Variants in ZNF746 observed in about 807,000 individuals in gnomAD.
ZNF746 encodes zinc finger protein 746.
ZNF746 carries 13 observed loss-of-function variants against 41.0 expected under a neutral mutation model. The observed-to-expected ratio is 0.32, with a 90% CI of 0.21 to 0.50. The LOEUF (loss-of-function observed/expected upper bound fraction) is 0.50, where lower values mean the gene tolerates loss of function less well. Ranked by LOEUF, ZNF746 falls within the 20% of genes least tolerant of loss-of-function variation. The probability of loss-of-function intolerance (pLI) is 0.98; values close to 1 mark genes in which losing one functional copy is unlikely to be tolerated. For missense variants in ZNF746, 811 were observed against 922.9 expected, an observed-to-expected ratio of 0.88 and a Z score of 1.57; for synonymous variants, 424 against 396.2, an observed-to-expected ratio of 1.07 and a Z score of -0.83.
chr7:149,477,139 T>TA (rs1554497489), intron 5 of ZNF746, 92 bp from the exon 6 acceptor site: 23 of 1,444,778 alleles, frequency 1.6e-5, no homozygotes, highest in Non-Finnish European at 2.1e-5. Flanking sequence ...AACTCTGAGG[T>TA]CCCCCCACTG....
intron 4 of ZNF746, chr7:149,488,627 G>A (rs2116474054): frequency 6.6e-6 from 1 of 152,308 alleles, no homozygotes; most frequent in East Asian, 1.9e-4. Context: ...CAACTTAAGG[G>A]GGAAAATACA....
In ZNF746 at chr7:149,474,276, T is replaced by G; in HGVS notation, c.*108A>C. ...GATCATCAGTTCAGCAACTTGGACATTTGGTTCTCCCCGTCCCGCGTCTGC... is the reference window on the plus strand; with the variant it reads ...GATCATCAGTTCAGCAACTTGGACAGTTGGTTCTCCCCGTCCCGCGTCTGC... On this transcript the variant is annotated 3_prime_UTR_variant, in exon 7 of 7. Transcript: ENST00000458143. The surrounding 1 kb of genome is among the most constrained non-coding windows in gnomAD (Gnocchi z 6.3). 5.4e-6 allele frequency: 7 copies of G among 1,297,164 alleles called. No individual in the cohort carries two copies. Among genetic ancestry groups the G allele is most frequent in the Non-Finnish European group, 5.3e-6 (5 of 943,470 alleles). 80.4% of individuals were successfully genotyped at this position (1,297,164 alleles called of 1,614,324 possible). A position where few individuals can be genotyped will look rare whatever the true frequency, so the allele number is the denominator to read the frequency against.
At position 149,475,168 on chromosome 7, in the gene ZNF746, C is replaced by A. The variant is rs1302088605; in HGVS notation, c.1199G>T (p.Arg400Leu). 8.1e-6 allele frequency: 13 copies of A among 1,612,518 alleles called. No homozygotes were observed. The highest frequency in any genetic ancestry group is 1.1e-5 in the Non-Finnish European group (13 of 1,179,804). The change falls in exon 7 of 7, where the codon CGG (arginine) becomes CTG (leucine). Residue 400 changes from arginine (R) to leucine (L), a missense_variant. Physicochemically the swap from Arg to Leu is moderately radical, Grantham distance 102 (BLOSUM62 -2). Around this residue, in one of 4 missense-constraint regions of ZNF746, gnomAD observed 495 missense variants for 481.6 expected, o/e 1.03. Transcript: ENST00000458143. Reference protein sequence around the residue: ...FGGVRWGWNFRCKPPVGLNPR... With the variant: ...FGGVRWGWNFLCKPPVGLNPR... Reference sequence around the variant, plus strand: ...GTTCAGGCCCACTGGCGGTTTACACCGGAAATTCCAGCCCCACCGGACCCC... The same window carrying A: ...GTTCAGGCCCACTGGCGGTTTACACAGGAAATTCCAGCCCCACCGGACCCC...
At chr7:149,495,712 A>G (rs755186925) in intron 1 of ZNF746, among the ~76,000 whole-genome samples, 3 of 152,264 alleles carry the variant, frequency 2.0e-5, no homozygotes, top group Non-Finnish European at 4.4e-5. Context: ...GAGAACTAGA[A>G]TGCGGATGGA....
At position 149,476,886 on chromosome 7, in the gene ZNF746, G is replaced by A. The variant is rs761468935; in HGVS notation, c.883+36C>T. 11 of 1,613,170 alleles carry A rather than the reference G, an allele frequency of 6.8e-6. No individual in the cohort carries two copies. The African/African-American group carries it at 1.3e-4, about 20-fold the overall frequency. ...GGACCGAGGTACTCCCCACAGGCAA[G>A]CATGGCCCTTCCCTTCCTCCTCTCG... is the stretch of plus-strand genomic sequence containing the variant. On this transcript the variant is annotated intron_variant, in intron 6 of 6. Coordinates refer to ENST00000458143, the MANE Select transcript of ZNF746 (RefSeq NM_001394198.1).
rs938051477 is a variant in ZNF746 at position 149,494,850 on chromosome 7, C to A, written c.25-347G>T. ...CTGTCCTTGACACATGGCAGGTACC[C>A]AGTGCAATTTTGTTACGTAAACAGT... On this transcript the variant is annotated intron_variant, in intron 1 of 6. Coordinates refer to ENST00000458143, the MANE Select transcript of ZNF746 (RefSeq NM_001394198.1). This position sits in a 1 kb window ranked among gnomAD's most constrained non-coding sequence, Gnocchi z 5.6. 4.6e-5 allele frequency among the ~76,000 whole-genome samples: 7 copies of A among 151,916 alleles called. No homozygotes were observed. Among genetic ancestry groups the A allele is most frequent in the Non-Finnish European group, 7.4e-5 (5 of 67,980 alleles).
chr7:149,497,234 G>A lies in ZNF746; in HGVS notation c.24+279C>T, dbSNP rs1282700047. 1 of 981,338 alleles carries A rather than the reference G, an allele frequency of 1.0e-6. No individual in the cohort carries two copies. Among genetic ancestry groups the A allele is most frequent in the Non-Finnish European group, 1.2e-6 (1 of 826,288 alleles). The allele number at this position is 981,338 out of a possible 1,614,324, so 60.8% of individuals were successfully genotyped here. ...AGAAGGAGGGGACAGCGGCTGGGGC[G>A]GGGGCAGGAAGCCCCGGAGGGCCCA... On this transcript the variant is annotated intron_variant, in intron 1 of 6. Coordinates refer to ENST00000458143, the MANE Select transcript of ZNF746 (RefSeq NM_001394198.1). The surrounding 1 kb of genome is among the most constrained non-coding windows in gnomAD (Gnocchi z 4.2).
Position 149,474,403 on chromosome 7 carries a change from G to T in ZNF746, c.1964C>A (p.Thr655Asn). The T allele has an allele frequency of 6.2e-7, 1 of 1,609,046 alleles. No homozygotes were observed. The highest frequency in any genetic ancestry group is 8.5e-7 in the Non-Finnish European group (1 of 1,177,994). ...AGGCGCTCACATGTCCCCGCCATCG[G>T]TGGGTCCCAGGACGCTGAGGCCACA... ...WTCGLSVLGPTDGGDM is the reference protein window; with the variant it reads ...WTCGLSVLGPNDGGDM The change falls in exon 7 of 7, where the codon ACC becomes AAC. Residue 655 changes from threonine to asparagine, a missense_variant. Coordinates refer to ENST00000458143, the MANE Select transcript of ZNF746 (RefSeq NM_001394198.1). This position sits in a 1 kb window ranked among gnomAD's most constrained non-coding sequence, Gnocchi z 6.3.
chr7:149,479,903 TAAAC>T (rs1000489056), intron 4 of ZNF746, among the ~76,000 whole-genome samples: 16 of 151,358 alleles, frequency 1.1e-4, no homozygotes, highest in African/African-American at 2.9e-4. Context: ...CTGTTTCAAA[TAAAC>T]AAACAAAAAA....
At chr7:149,480,125 C>T (rs1420856524) in intron 4 of ZNF746, among the ~76,000 whole-genome samples, 1 of 152,164 alleles carries the variant, frequency 6.6e-6, no homozygotes, top group African/African-American at 2.4e-5. Context: ...GGAACACACA[C>T]ACATTCTCAG....
In ZNF746 at chr7:149,474,781, C is replaced by T. The variant is rs1319142242; in HGVS notation, c.1586G>A (p.Gly529Glu). The T allele has an allele frequency of 1.9e-6, 3 of 1,553,930 alleles. No individual in the cohort carries two copies. Among genetic ancestry groups the T allele is most frequent in the East Asian group, 2.4e-5 (1 of 42,432 alleles). ...GCGCGTGAAGCAACGGCCGCACTCC[C>T]CACACCGAAGGGCGCTGCCATCCCG... ...SARDGSALRCGECGRCFTRPA... is the reference protein window; with the variant it reads ...SARDGSALRCEECGRCFTRPA... The change falls in exon 7 of 7, where the codon GGG (glycine) becomes GAG (glutamate). Residue 529 changes from glycine to glutamate, a missense_variant. By Grantham distance (98) the Gly-to-Glu change is moderately conservative (BLOSUM62 -2). Coordinates refer to ENST00000458143, the MANE Select transcript of ZNF746 (RefSeq NM_001394198.1). This position sits in a 1 kb window ranked among gnomAD's most constrained non-coding sequence, Gnocchi z 6.3.
chr7:149,491,101 A>C (rs1350031206), intron 4 of ZNF746: 1 of 152,874 alleles, frequency 6.5e-6, no homozygotes, highest in Non-Finnish European at 1.5e-5. Flanking sequence ...TCACAAGGGG[A>C]TGGGTCAGGC....
Position 149,474,360 on chromosome 7 carries a change from C to G in ZNF746, c.*24G>C, listed in dbSNP as rs532424930. 31 of 1,588,528 alleles carry G rather than the reference C, an allele frequency of 2.0e-5. No individual in the cohort carries two copies. In the African/African-American group the frequency reaches 3.8e-4, roughly 19 times the overall value. On this transcript the variant is annotated 3_prime_UTR_variant, in exon 7 of 7. Transcript: ENST00000458143. This position sits in a 1 kb window ranked among gnomAD's most constrained non-coding sequence, Gnocchi z 6.3. ...CGGGGCTTTTTACACGTGCGGCCGGCAGGGGCTATGGGGCTGGAGGCGCTC... is the reference window on the plus strand; with the variant it reads ...CGGGGCTTTTTACACGTGCGGCCGGGAGGGGCTATGGGGCTGGAGGCGCTC...
At chr7:149,479,198 A>C (rs1800413063) in intron 4 of ZNF746, among the ~76,000 whole-genome samples, 1 of 152,226 alleles carries the variant, frequency 6.6e-6, no homozygotes, top group African/African-American at 2.4e-5. Context: ...AGTAGGTAAT[A>C]AAACAAACAA....
At chr7:149,477,324 A>G (rs529969240) in intron 5 of ZNF746, among the ~76,000 whole-genome samples, 119 of 152,302 alleles carry the variant, frequency 7.8e-4, no homozygotes, top group African/African-American at 2.6e-3. Context: ...AAGCGGCCTC[A>G]CGGTGATATA....
rs977338056 is a variant in ZNF746, at chr7:149,491,450, G to A, written c.565+1409C>T. 6 of 160,320 alleles carry A rather than the reference G, an allele frequency of 3.7e-5. No individual in the cohort carries two copies. In the South Asian group the frequency reaches 5.3e-4, roughly 14 times the overall value. The allele number at this position is 160,320 out of a possible 1,614,324, so 9.9% of individuals were successfully genotyped here. A position where few individuals can be genotyped will look rare whatever the true frequency, so the allele number is the denominator to read the frequency against. On this transcript the variant is annotated intron_variant, in intron 4 of 6. Transcript: ENST00000458143. ...ACCCAGGCTAGGAAGCTGGGGACGC[G>A]CACGGGTTGTAACCCTCTTTTCCAG...
Position 149,494,115 on chromosome 7 carries a change from C to T in ZNF746, c.325G>A (p.Val109Met). The T allele has an allele frequency of 6.2e-7, 1 of 1,614,168 alleles. No individual in the cohort carries two copies. The highest frequency in any genetic ancestry group is 8.5e-7 in the Non-Finnish European group (1 of 1,180,040). ...PPGSKGESPK[V>M]PVTFDDVAVY... ...GCCACATCATCAAAGGTCACGGGCA[C>T]CTGGAACCACAAGTGTCACACTCGC... The change falls in exon 3 of 7, where the codon GTG becomes ATG. Residue 109 changes from valine to methionine, a missense_variant and splice_region_variant. Physicochemically the swap from Val to Met is conservative, Grantham distance 21 (BLOSUM62 1). Coordinates refer to ENST00000458143, the MANE Select transcript of ZNF746 (RefSeq NM_001394198.1). This position sits in a 1 kb window ranked among gnomAD's most constrained non-coding sequence, Gnocchi z 5.6.
intron 5 of ZNF746, 75 bp downstream of exon 5, chr7:149,477,489 G>A: frequency 2.0e-6 from 3 of 1,487,980 alleles, no homozygotes; most frequent in African/African-American, 1.4e-5. Context: ...GCTCCCCCAT[G>A]CTGCCACGAG....
At position 149,491,838 on chromosome 7, in the gene ZNF746, C is replaced by T. The variant is rs1800819488; in HGVS notation, c.565+1021G>A. 4 of 700,866 alleles carry T rather than the reference C, an allele frequency of 5.7e-6. No homozygotes were observed. The Admixed American group carries it at 8.0e-5, about 14-fold the overall frequency. 43.4% of individuals were successfully genotyped at this position (700,866 alleles called of 1,614,324 possible). A position where few individuals can be genotyped will look rare whatever the true frequency, so the allele number is the denominator to read the frequency against. ...CTTGCAGAGATGTGGTCTCCCTAGT[C>T]AAATGACCCAGCAGGTCTTCACTTT... is the stretch of plus-strand genomic sequence containing the variant. On this transcript the variant is annotated intron_variant, in intron 4 of 6. Coordinates refer to ENST00000458143, the MANE Select transcript of ZNF746 (RefSeq NM_001394198.1).
Sources: gnomAD v4.1 joint callset for allele counts (sites outside exome capture counted in the v4.1 genomes callset) on GRCh38, gnomAD v4.1.1 for gene constraint, gnomAD v4.1.1 regional missense constraint, Gnocchi (gnomAD v3.1) non-coding constraint, MANE v1.5 for transcripts, NCBI Gene and HGNC (gene_info 2026-07-23, HGNC 2026-07-21) for gene names.